The following DHRS12 variants were observed in gnomAD, a reference collection of about 807,000 sequenced individuals.
The protein encoded by DHRS12 is dehydrogenase/reductase SDR family member 12.
DHRS12 carries 29 observed loss-of-function variants against 32.1 expected under a neutral mutation model. The observed-to-expected ratio is 0.90, with a 90% confidence interval of 0.67 to 1.23. The LOEUF is 1.23. Ranked by LOEUF, DHRS12 falls within the 50% of genes most tolerant of loss-of-function variation. The pLI is 0.00. For missense variants in DHRS12, 330 were observed against 337.2 expected (o/e 0.98, Z 0.17); for synonymous variants, 150 against 135.9 (o/e 1.10, Z -0.72).
chr13:51,755,333 C>T, the DHRS12 span: 10 of 1,609,788 alleles, frequency 6.2e-6, no homozygotes, highest in South Asian at 8.8e-5. Flanking sequence ...GCCACAGTGA[C>T]CTGTTCTGTG....
the DHRS12 span, among the ~76,000 whole-genome samples, chr13:51,757,162 AGTC>A: frequency 2.0e-5 from 3 of 152,204 alleles, no homozygotes; most frequent in South Asian, 6.2e-4. Context: ...AATCATAAGT[AGTC>A]TTATTTATCC....
the DHRS12 span, among the ~76,000 whole-genome samples, chr13:51,755,999 G>A: frequency 6.6e-5 from 10 of 152,004 alleles, no homozygotes; most frequent in South Asian, 6.2e-4. Flanking sequence ...CTCCTGAGAC[G>A]GCAGTTTCTC....
chr13:51,773,233 G>T (rs1048002863), intron 6 of DHRS12, among the ~76,000 whole-genome samples: 6 of 152,032 alleles, frequency 3.9e-5, no homozygotes. Flanking sequence ...GATATCTTGG[G>T]GATAGAACTC....
chr13:51,765,266 C>T (rs972614218), downstream of DHRS12: 2 of 152,202 alleles, frequency 1.3e-5, no homozygotes, highest in Admixed American at 1.3e-4. Context: ...AACTTCAGCT[C>T]AGTTTCTTAA....
chr13:51,770,822 G>C (rs1219772583), intron 7 of DHRS12: 4 of 1,055,654 alleles, frequency 3.8e-6, no homozygotes, highest in Non-Finnish European at 4.6e-6. Flanking sequence ...GTGCACACAG[G>C]GTTTTTCCAT....
At chr13:51,768,384 C>T (rs983559716) in intron 8 of DHRS12, 88 bp from the exon 9 acceptor site, 17 of 1,516,708 alleles carry the variant, frequency 1.1e-5, no homozygotes, top group African/African-American at 4.1e-5. Context: ...CTTGAACCGA[C>T]GCCTGCTGGA....
At chr13:51,797,192 A>G (rs1313452583) in intron 2 of DHRS12, among the ~76,000 whole-genome samples, 2 of 152,232 alleles carry the variant, frequency 1.3e-5, no homozygotes, top group African/African-American at 4.8e-5. Context: ...AATATGATCT[A>G]TACAGCTGCA....
the DHRS12 span, chr13:51,760,562 T>A: frequency 6.6e-6 from 1 of 152,222 alleles, no homozygotes; most frequent in African/African-American, 2.4e-5. Flanking sequence ...TAGAATTCAG[T>A]TGGAGCCTCC....
intron 8 of DHRS12, chr13:51,768,856 C>CT (rs1953875596): frequency 7.4e-7 from 1 of 1,357,040 alleles, no homozygotes; most frequent in African/African-American, 1.5e-5. Flanking sequence ...AGCGCCCCTC[C>CT]TGGGCCTCAG....
chr13:51,769,346 G>A (rs766748713), intron 7 of DHRS12, 53 bp from the exon 8 acceptor site: 15 of 1,323,690 alleles, frequency 1.1e-5, no homozygotes, highest in Non-Finnish European at 1.4e-5. Context: ...AGCAAATGTG[G>A]TTGACTTCCC....
At chr13:51,756,583 C>T in the DHRS12 span, 3 of 1,406,450 alleles carry the variant, frequency 2.1e-6, no homozygotes, top group African/African-American at 1.4e-5. Flanking sequence ...GAATATAGTC[C>T]ACGGCAAGCA....
At chr13:51,771,144 C>T in intron 7 of DHRS12, 1 of 1,521,064 alleles carries the variant, frequency 6.6e-7, no homozygotes, top group African/African-American at 1.4e-5. Context: ...TCCACAGAGG[C>T]TTGAGGACAA....
At chr13:51,788,571 G>A (rs554136955) in intron 4 of DHRS12, among the ~76,000 whole-genome samples, 5 of 152,170 alleles carry the variant, frequency 3.3e-5, no homozygotes, top group East Asian at 1.9e-4. Context: ...TAGCCTGGGC[G>A]CAGTGACTCA....
intron 2 of DHRS12, among the ~76,000 whole-genome samples, chr13:51,798,692 A>G (rs1955616548): frequency 1.3e-5 from 2 of 151,886 alleles, no homozygotes; most frequent in African/African-American, 4.8e-5. Context: ...ATGATATAAT[A>G]GTCCCCTGAA....
intron 1 of DHRS12, among the ~76,000 whole-genome samples, chr13:51,800,437 G>A (rs1279457378): frequency 6.6e-6 from 1 of 152,232 alleles, no homozygotes. Flanking sequence ...AATTGGCTAA[G>A]GGCAGTGGTG....
the DHRS12 span, chr13:51,759,638 G>A: frequency 1.9e-6 from 2 of 1,039,468 alleles, no homozygotes; most frequent in Non-Finnish European, 2.9e-6. Flanking sequence ...AGTATGTGGT[G>A]GTTTGTTAAA....
chr13:51,757,655 G>C, the DHRS12 span, among the ~76,000 whole-genome samples: 1 of 151,342 alleles, frequency 6.6e-6, no homozygotes. Context: ...AAAAAGTATA[G>C]GTAAAAAATA....
At chr13:51,777,782 G>A (rs1165702182) in intron 4 of DHRS12, among the ~76,000 whole-genome samples, 1 of 152,218 alleles carries the variant, frequency 6.6e-6, no homozygotes, top group Non-Finnish European at 1.5e-5. Flanking sequence ...GCAAGGATGA[G>A]AGTGATGCCC....
intron 6 of DHRS12, chr13:51,772,725 G>C (rs566947566): frequency 1.0e-6 from 1 of 985,366 alleles, no homozygotes; most frequent in East Asian, 1.1e-4. Flanking sequence ...CCCATCCCAG[G>C]GTAGTTTGAT....
Sources: allele counts gnomAD v4.1 joint callset (sites outside exome capture counted in the v4.1 genomes callset), GRCh38; gene constraint gnomAD v4.1.1; transcripts MANE v1.5; gene names NCBI Gene and HGNC (gene_info 2026-07-23, HGNC 2026-07-21).